Variants in GXYLT1 observed in about 807,000 individuals in gnomAD.
GXYLT1 encodes the protein glycosyltransferase 8 domain containing 3.
Under a neutral mutation model 54.0 loss-of-function variants are expected in GXYLT1, and 29 were observed. The observed-to-expected ratio is 0.54, with a 90% CI of 0.40 to 0.73. The LOEUF is 0.73. Among genes scored for constraint, GXYLT1 ranks in the 30% least tolerant of loss-of-function variants. The pLI, the probability that GXYLT1 is intolerant of heterozygous loss-of-function variation, is 0.00. For synonymous variants in GXYLT1, 176 were observed against 204.1 expected (o/e 0.86, Z 1.17); for missense variants, 490 against 553.4 (o/e 0.89, Z 1.15).
intron 3 of GXYLT1, among the ~76,000 whole-genome samples, chr12:42,111,360 C>T (rs1399020354): frequency 1.3e-5 from 2 of 152,216 alleles, no homozygotes; most frequent in African/African-American, 2.4e-5. Context: ...AGCAAGGGGT[C>T]AGGGAATTCC....
chr12:42,115,975 G>A (rs1003997026), intron 3 of GXYLT1, among the ~76,000 whole-genome samples: 35 of 149,464 alleles, frequency 2.3e-4, no homozygotes, highest in Admixed American at 6.1e-4. Context: ...AAATAATGCC[G>A]CATATCTATA....
intron 7 of GXYLT1, among the ~76,000 whole-genome samples, chr12:42,090,248 A>G (rs1260380358): frequency 6.6e-6 from 1 of 152,228 alleles, no homozygotes; most frequent in East Asian, 1.9e-4. Context: ...ATTTCCACCT[A>G]TATAAACATA....
chr12:42,094,726 CATAA>C (rs1247397717), intron 7 of GXYLT1, among the ~76,000 whole-genome samples: 1 of 151,662 alleles, frequency 6.6e-6, no homozygotes, highest in African/African-American at 2.4e-5. Context: ...CATCAAATAC[CATAA>C]ATAAGTCAAA....
intron 7 of GXYLT1, among the ~76,000 whole-genome samples, chr12:42,094,070 G>A (rs1287528634): frequency 1.3e-5 from 2 of 151,150 alleles, no homozygotes; most frequent in Admixed American, 1.3e-4. Context: ...AAAAAAAAGG[G>A]GGGTGTTAGG....
At chr12:42,121,820 A>G (rs1269451785) in intron 2 of GXYLT1, among the ~76,000 whole-genome samples, 1 of 152,054 alleles carries the variant, frequency 6.6e-6, no homozygotes, top group Non-Finnish European at 1.5e-5. Context: ...TTTTAGTGAA[A>G]GTATTATATA....
Position 42,144,091 on chromosome 12 carries a change from G to A in GXYLT1, c.221+335C>T, listed in dbSNP as rs977661377. On this transcript the variant is annotated intron_variant, in intron 1 of 7. Coordinates refer to ENST00000398675, the MANE Select transcript of GXYLT1 (RefSeq NM_173601.2). ...AACTTGAACTCCACTGAAACAAGAG[G>A]AAATTCTCACTAGCCAGGCAGCAGT... Among the ~76,000 whole-genome samples the A allele has an allele frequency of 3.9e-5, 6 of 152,144 alleles. No individual in the cohort carries two copies. In the East Asian group the frequency reaches 5.8e-4, roughly 15 times the overall value.
intron 2 of GXYLT1, among the ~76,000 whole-genome samples, chr12:42,125,866 TA>T (rs200272969): frequency 1.1e-4 from 17 of 148,232 alleles, no homozygotes; most frequent in South Asian, 2.1e-4. Flanking sequence ...TCACTAATAT[TA>T]AAAAAAAAAA....
At chr12:42,115,783 A>T (rs1487421306) in intron 3 of GXYLT1, among the ~76,000 whole-genome samples, 1 of 151,854 alleles carries the variant, frequency 6.6e-6, no homozygotes, top group Admixed American at 6.6e-5. Context: ...AAACTACTTT[A>T]AAGTTCATAT....
Position 42,124,784 on chromosome 12 carries a change from TA to T in GXYLT1, c.314+4974del, listed in dbSNP as rs202105701. ...CACAATCTTCACCTTATACAATTTG[TA>T]GCCTGTTGTGAAAAGACTGATTTTT... is the stretch of plus-strand genomic sequence containing the variant. On this transcript the variant is annotated intron_variant, in intron 2 of 7. Coordinates refer to ENST00000398675, the MANE Select transcript of GXYLT1 (RefSeq NM_173601.2). Among the ~76,000 whole-genome samples the T allele has an allele frequency of 2.5e-4, 38 of 152,348 alleles. No individual in the cohort carries two copies. In the East Asian group the frequency reaches 5.6e-3, roughly 22 times the overall value.
intron 4 of GXYLT1, among the ~76,000 whole-genome samples, chr12:42,108,767 T>C (rs183269270): frequency 6.6e-6 from 1 of 152,274 alleles, no homozygotes; most frequent in East Asian, 1.9e-4. Flanking sequence ...TTAATCCACT[T>C]AGCAATAAGA....
At chr12:42,095,811 A>G (rs10880238) in intron 7 of GXYLT1, among the ~76,000 whole-genome samples, 80,270 of 151,996 alleles carry the variant, frequency 0.53, 21,438 homozygotes, top group South Asian at 0.7. Context: ...TATTTCAAAT[A>G]AATAAAATAA....
intron 2 of GXYLT1, among the ~76,000 whole-genome samples, chr12:42,128,031 T>C (rs2065573341): frequency 6.6e-6 from 1 of 152,166 alleles, no homozygotes; most frequent in Admixed American, 6.5e-5. Flanking sequence ...ATATGTACAA[T>C]TAATAGATAC....
At chr12:42,113,166 A>G (rs948095132) in intron 3 of GXYLT1, among the ~76,000 whole-genome samples, 3 of 151,194 alleles carry the variant, frequency 2.0e-5, no homozygotes, top group African/African-American at 7.4e-5. Flanking sequence ...GGTACCAGCC[A>G]CAGCAAAATC....
At chr12:42,098,758 AACATAT>A (rs1251788125) in intron 5 of GXYLT1, among the ~76,000 whole-genome samples, 1 of 17,774 alleles carries the variant, frequency 5.6e-5, no homozygotes, top group Non-Finnish European at 1.0e-4. Context: ...TTAAATTTAA[AACATAT>A]ATATATATAT....
chr12:42,089,873 T>C (rs1223836516), intron 7 of GXYLT1, among the ~76,000 whole-genome samples: 1 of 152,168 alleles, frequency 6.6e-6, no homozygotes, highest in Non-Finnish European at 1.5e-5. Context: ...AGTGATACTT[T>C]CAAGAAATAT....
rs754590796 is a variant in GXYLT1 at position 42,082,225 on chromosome 12, AG to A, written c.*5560del. 2.0e-5 allele frequency: 3 copies of A among 152,210 alleles called. No homozygotes were observed. The highest frequency in any genetic ancestry group is 2.9e-5 in the Non-Finnish European group (2 of 68,028). 9.4% of individuals were successfully genotyped at this position (152,210 alleles called of 1,614,324 possible). A position where few individuals can be genotyped will look rare whatever the true frequency, so the allele number is the denominator to read the frequency against. On this transcript the variant is annotated 3_prime_UTR_variant, in exon 8 of 8. Transcript: ENST00000398675. ...CTGCAACCTTTTCCAGTTTGACTTC[AG>A]GAACAGGTGCAAACCACCATCCTCT...
chr12:42,091,413 AG>A (rs1196360275), intron 7 of GXYLT1, among the ~76,000 whole-genome samples: 1 of 151,542 alleles, frequency 6.6e-6, no homozygotes, highest in African/African-American at 2.4e-5. Flanking sequence ...CTCTAATAGT[AG>A]ATTTTTTTTA....
intron 7 of GXYLT1, among the ~76,000 whole-genome samples, chr12:42,089,363 G>A (rs2065316127): frequency 6.7e-6 from 1 of 149,646 alleles, no homozygotes; most frequent in Non-Finnish European, 1.5e-5. Context: ...GGGAGGGATA[G>A]CATTAGGAGA....
chr12:42,097,831 G>C (rs1217260619), intron 6 of GXYLT1, 79 bp downstream of exon 6: 2 of 1,134,182 alleles, frequency 1.8e-6, no homozygotes, highest in Admixed American at 4.6e-5. Flanking sequence ...GACAGAATCA[G>C]ATAAGTGCAT....
Sources: allele counts gnomAD v4.1 joint callset (sites outside exome capture counted in the v4.1 genomes callset), GRCh38; gene constraint gnomAD v4.1.1; transcripts MANE v1.5; gene names NCBI Gene and HGNC (gene_info 2026-07-23, HGNC 2026-07-21).